EPG5: variants seen among roughly 807,000 people sequenced by gnomAD.
EPG5 encodes the protein ectopic P granules protein 5 homolog.
Under a neutral mutation model 302.7 loss-of-function variants are expected in EPG5, and 159 were observed. The observed-to-expected ratio is 0.53, with a 90% CI of 0.46 to 0.60. EPG5 has a LOEUF of 0.60. Ranked by LOEUF, EPG5 falls within the 20% of genes least tolerant of loss-of-function variation. The probability of loss-of-function intolerance (pLI) is 0.00; values close to 1 mark genes in which losing one functional copy is unlikely to be tolerated. For synonymous variants in EPG5, 1,158 were observed against 1,136.8 expected (o/e 1.02, Z -0.37); for missense variants, 2,896 against 3,092.4 (o/e 0.94, Z 1.51).
At chr18:45,868,096 C>T in intron 36 of EPG5, 1 of 465,540 alleles carries the variant, frequency 2.1e-6, no homozygotes, top group South Asian at 1.5e-5. Flanking sequence ...TGTGCCAGGA[C>T]AGGGCAAAGT....
intron 42 of EPG5, 66 bp downstream of exon 42, chr18:45,857,787 C>T: frequency 7.6e-7 from 1 of 1,314,000 alleles, no homozygotes. Context: ...TATATCACAA[C>T]CTGTAAGTAG....
rs1465543906 is a variant in EPG5, at chr18:45,913,739, T to TA, written c.3782dup (p.Asn1262LysfsTer7). On this transcript the variant is annotated frameshift_variant, in exon 21 of 44. Coordinates refer to ENST00000282041, the MANE Select transcript of EPG5 (RefSeq NM_020964.3). LOFTEE classifies it high-confidence loss of function. The stretch of plus-strand genomic sequence containing the variant: ...CTTGGTCAGGGGTGAAAGCAGAGTT[T>TA]ATCACCAATTCCCCTTCAATAACTC... 1 of 1,614,050 alleles carries TA rather than the reference T, an allele frequency of 6.2e-7. No homozygotes were observed. Among genetic ancestry groups the TA allele is most frequent in the Non-Finnish European group, 8.5e-7 (1 of 1,180,026 alleles).
At chr18:45,928,833 TG>T (rs752404616) in intron 13 of EPG5, 35 bp downstream of exon 13, 1 of 1,593,876 alleles carries the variant, frequency 6.3e-7, no homozygotes, top group African/African-American at 1.4e-5. Flanking sequence ...CTCCAAGATT[TG>T]AAAAAACAAA....
intron 3 of EPG5, 125 bp from the exon 4 acceptor site, chr18:45,951,363 A>C: frequency 1.7e-6 from 1 of 573,332 alleles, no homozygotes; most frequent in South Asian, 8.5e-5. Flanking sequence ...AAAGGAGAAA[A>C]GTTACATCAA....
chr18:45,941,001 G>C (rs75945151), intron 9 of EPG5, among the ~76,000 whole-genome samples: 15,165 of 152,234 alleles, frequency 0.1, 889 homozygotes, highest in African/African-American at 0.16. Flanking sequence ...ATGTGTTTAT[G>C]AGAGAGGTAT....
intron 20 of EPG5, 102 bp downstream of exon 20, chr18:45,915,409 T>A (rs910692009): frequency 1.8e-5 from 15 of 827,330 alleles, no homozygotes; most frequent in Non-Finnish European, 3.0e-5. Flanking sequence ...GAATAAGTGC[T>A]AAATAAAAGT....
intron 29 of EPG5, 95 bp from the exon 30 acceptor site, chr18:45,884,906 T>A (rs567992935): frequency 1.2e-6 from 1 of 820,840 alleles, no homozygotes; most frequent in South Asian, 2.2e-5. Context: ...ATAAGGTGAA[T>A]AGAATTTTTT....
At chr18:45,894,183 G>A (rs2049416042) in intron 27 of EPG5, among the ~76,000 whole-genome samples, 1 of 152,096 alleles carries the variant, frequency 6.6e-6, no homozygotes, top group African/African-American at 2.4e-5. Flanking sequence ...AAACAGGCCA[G>A]GCATGGTGGC....
chr18:45,947,039 A>G (rs904376890), intron 6 of EPG5, among the ~76,000 whole-genome samples: 3 of 152,214 alleles, frequency 2.0e-5, no homozygotes, highest in African/African-American at 4.8e-5. Flanking sequence ...CTCAATACAT[A>G]TGCTGCGGAC....
At chr18:45,808,250 G>A in the EPG5 span, among the ~76,000 whole-genome samples, 112,851 of 152,074 alleles carry the variant, frequency 0.74, 42,772 homozygotes, top group East Asian at 0.92. Context: ...ACCAAACCTA[G>A]AATAATCAGT....
chr18:45,963,198 G>A (rs1390296031), intron 1 of EPG5, among the ~76,000 whole-genome samples: 1 of 152,202 alleles, frequency 6.6e-6, no homozygotes, highest in African/African-American at 2.4e-5. Context: ...ACAGAGGGGA[G>A]CAGAGTGCTA....
chr18:45,845,081 T>C (rs1371653130), downstream of EPG5, among the ~76,000 whole-genome samples: 1 of 152,240 alleles, frequency 6.6e-6, no homozygotes, highest in African/African-American at 2.4e-5. Context: ...CAGGAAGCAG[T>C]TGACTCCAGG....
chr18:45,866,790 C>T lies in EPG5; in HGVS notation c.6621+8G>A. 1 of 1,609,536 alleles carries T rather than the reference C, an allele frequency of 6.2e-7. No homozygotes were observed. The highest frequency in any genetic ancestry group is 8.5e-7 in the Non-Finnish European group (1 of 1,175,798). ...AGTCTCTGCCTTTTAAACTACCTCT[C>T]AACTTACAAGATGCTTCTGGCTGTC... is the stretch of plus-strand genomic sequence containing the variant. On this transcript the variant is annotated splice_region_variant and intron_variant, in intron 38 of 43. Coordinates refer to ENST00000282041, the MANE Select transcript of EPG5 (RefSeq NM_020964.3).
chr18:45,903,482 A>G (rs1046325613), intron 25 of EPG5, among the ~76,000 whole-genome samples: 5 of 152,200 alleles, frequency 3.3e-5, no homozygotes, highest in Non-Finnish European at 5.9e-5. Flanking sequence ...TTCTTACACT[A>G]TATATTGTAA....
chr18:45,967,168 G>T lies in EPG5; in HGVS notation c.63+9C>A, dbSNP rs781732575. 1 of 1,593,124 alleles carries T rather than the reference G, an allele frequency of 6.3e-7. No individual in the cohort carries two copies. Among genetic ancestry groups the T allele is most frequent in the Non-Finnish European group, 8.5e-7 (1 of 1,169,938 alleles). ...GCCAGAGCCTCGGGAGGGTGGGGGA[G>T]ATCCTCACCTTTGTTTTAGTCCGGC... On this transcript the variant is annotated intron_variant, in intron 1 of 43. Coordinates refer to ENST00000282041, the MANE Select transcript of EPG5 (RefSeq NM_020964.3).
intron 28 of EPG5, among the ~76,000 whole-genome samples, chr18:45,888,942 G>A (rs530916764): frequency 7.8e-4 from 118 of 152,178 alleles, no homozygotes; most frequent in Middle Eastern, 6.8e-3. Flanking sequence ...CCAAAACACT[G>A]ACTAAAGTTG....
At chr18:45,882,218 G>T in intron 31 of EPG5, 56 bp downstream of exon 31, 1 of 1,373,090 alleles carries the variant, frequency 7.3e-7, no homozygotes, top group Non-Finnish European at 1.0e-6. Flanking sequence ...GATGAAAAAT[G>T]TGATATTAAA....
At chr18:45,865,074 C>T (rs1481909701) in intron 39 of EPG5, among the ~76,000 whole-genome samples, 1 of 152,202 alleles carries the variant, frequency 6.6e-6, no homozygotes, top group Non-Finnish European at 1.5e-5. Flanking sequence ...TGACAGCAGC[C>T]TCAGAACTCC....
chr18:45,936,604 T>C (rs2050530201), intron 10 of EPG5, among the ~76,000 whole-genome samples: 1 of 151,326 alleles, frequency 6.6e-6, no homozygotes, highest in Non-Finnish European at 1.5e-5. Flanking sequence ...GGTGTGCGCC[T>C]ATAGTCTCAG....
Sources: allele counts gnomAD v4.1 joint callset (sites outside exome capture counted in the v4.1 genomes callset), GRCh38; gene constraint gnomAD v4.1.1; transcripts MANE v1.5; gene names NCBI Gene and HGNC (gene_info 2026-07-23, HGNC 2026-07-21).